The following ANKRD55 variants were observed in gnomAD, a reference collection of about 807,000 sequenced individuals.
ANKRD55 encodes ankyrin repeat domain 55.
ANKRD55 carries 41 observed loss-of-function variants against 60.6 expected under a neutral mutation model. The ratio of observed to expected loss-of-function variants is 0.68; its 90% confidence interval spans 0.53 to 0.88. The LOEUF (loss-of-function observed/expected upper bound fraction) is 0.88, where lower values mean the gene tolerates loss of function less well. Ranked by LOEUF, ANKRD55 falls within the 40% of genes least tolerant of loss-of-function variation. ANKRD55 has a pLI of 0.00. For missense variants in ANKRD55, 732 were observed against 767.6 expected, an observed-to-expected ratio of 0.95 and a Z score of 0.55; for synonymous variants, 264 against 290.3, an observed-to-expected ratio of 0.91 and a Z score of 0.92.
intron 2 of ANKRD55, among the ~76,000 whole-genome samples, chr5:56,218,798 A>G (rs1759885122): frequency 6.6e-6 from 1 of 152,094 alleles, no homozygotes; most frequent in African/African-American, 2.4e-5. Context: ...AGGGAGAGAG[A>G]CACACACACA....
At chr5:56,201,828 A>G (rs1759387919) in intron 2 of ANKRD55, among the ~76,000 whole-genome samples, 1 of 152,224 alleles carries the variant, frequency 6.6e-6, no homozygotes, top group Non-Finnish European at 1.5e-5. Context: ...ATTCTATTAT[A>G]AAGATACTTG....
chr5:56,210,269 C>T (rs960875901), intron 2 of ANKRD55, among the ~76,000 whole-genome samples: 2 of 152,086 alleles, frequency 1.3e-5, no homozygotes, highest in Admixed American at 1.3e-4. Context: ...TGTCTCTACC[C>T]AATTTATTTG....
chr5:56,105,841 A>G (rs1173550697), intron 10 of ANKRD55, among the ~76,000 whole-genome samples: 1 of 152,248 alleles, frequency 6.6e-6, no homozygotes, highest in Non-Finnish European at 1.5e-5. Context: ...AAAATTCTAG[A>G]GAAGGAAGCT....
In ANKRD55 at chr5:56,112,504, C is replaced by CAAAAAAAAAAAAAAAA. The variant is rs1187255213; in HGVS notation, c.966-738_966-723dup. Among the ~76,000 whole-genome samples the CAAAAAAAAAAAAAAAA allele has an allele frequency of 1.2e-3, 32 of 25,642 alleles. 3 individuals carry two copies. Among genetic ancestry groups the CAAAAAAAAAAAAAAAA allele is most frequent in the Non-Finnish European group, 1.5e-3 (21 of 14,038 alleles). The allele number at this position is 25,642 out of a possible 152,430, so 16.8% of individuals were successfully genotyped here. On this transcript the variant is annotated intron_variant, in intron 9 of 11. Transcript: ENST00000341048. ...CAACATGGCAGGATCTCATCTCTAGCAAAAAAAAAAAAAAAAAACAACCAA... is the reference window on the plus strand; with the variant it reads ...CAACATGGCAGGATCTCATCTCTAGCAAAAAAAAAAAAAAAAAAAAAAAAAAAAAAAAAACAACCAA...
intron 5 of ANKRD55, among the ~76,000 whole-genome samples, chr5:56,166,148 T>A (rs1758463760): frequency 9.6e-6 from 1 of 103,840 alleles, no homozygotes; most frequent in Admixed American, 9.7e-5. Context: ...CTTTCTTTCT[T>A]TCTTTCTTCT....
chr5:56,162,137 G>T, intron 5 of ANKRD55: 1 of 571,080 alleles, frequency 1.8e-6, no homozygotes, highest in Non-Finnish European at 2.2e-6. Flanking sequence ...GGTTATCCTT[G>T]GTTACTCCTG....
At chr5:56,210,509 C>T (rs1050718228) in intron 2 of ANKRD55, among the ~76,000 whole-genome samples, 22 of 144,784 alleles carry the variant, frequency 1.5e-4, no homozygotes, top group Admixed American at 1.4e-3. Flanking sequence ...TTGCAGTGAG[C>T]CGAGATCGCG....
chr5:56,166,614 G>A (rs73128435), intron 5 of ANKRD55, among the ~76,000 whole-genome samples: 6,235 of 151,874 alleles, frequency 0.041, 354 homozygotes, highest in East Asian at 0.21. Flanking sequence ...ATAAGATAAC[G>A]AGTGAAGAAA....
intron 11 of ANKRD55, among the ~76,000 whole-genome samples, chr5:56,102,005 A>G (rs161205): frequency 2.8e-4 from 42 of 151,334 alleles, no homozygotes; most frequent in African/African-American, 1.0e-3. Context: ...TTATTTTTTT[A>G]AAAAAAATAA....
At chr5:56,195,682 G>A (rs2111849859) in intron 2 of ANKRD55, among the ~76,000 whole-genome samples, 1 of 152,296 alleles carries the variant, frequency 6.6e-6, no homozygotes, top group East Asian at 1.9e-4. Context: ...GACCTCAGGT[G>A]ATCTACCCAT....
intron 2 of ANKRD55, among the ~76,000 whole-genome samples, chr5:56,215,548 A>T (rs530501993): frequency 2.3e-4 from 35 of 152,328 alleles, no homozygotes; most frequent in African/African-American, 7.9e-4. Context: ...GACTCTAGCC[A>T]CCATCACCTT....
At chr5:56,148,654 A>ATT (rs11377254) in intron 6 of ANKRD55, among the ~76,000 whole-genome samples, 79 of 147,726 alleles carry the variant, frequency 5.3e-4, no homozygotes, top group Admixed American at 1.1e-3. Flanking sequence ...TTCTCAGAAC[A>ATT]TTTTTTTTTT....
intron 5 of ANKRD55, chr5:56,161,058 G>C (rs1758317541): frequency 6.6e-6 from 1 of 152,206 alleles, no homozygotes; most frequent in African/African-American, 2.4e-5. Context: ...ACAACATATA[G>C]AGCATGCCTG....
At chr5:56,116,400 A>C in intron 9 of ANKRD55, among the ~76,000 whole-genome samples, 1 of 152,364 alleles carries the variant, frequency 6.6e-6, no homozygotes, top group Non-Finnish European at 1.5e-5. Flanking sequence ...ATTCACTACT[A>C]TCATTTTGCT....
chr5:56,226,845 C>T (rs1014422674), intron 2 of ANKRD55, among the ~76,000 whole-genome samples: 1 of 152,180 alleles, frequency 6.6e-6, no homozygotes, highest in African/African-American at 2.4e-5. Flanking sequence ...ACAACAGGTG[C>T]TGGAGAGGAT....
chr5:56,171,084 C>T (rs1214551770), intron 4 of ANKRD55, among the ~76,000 whole-genome samples: 2 of 152,144 alleles, frequency 1.3e-5, no homozygotes, highest in Admixed American at 1.3e-4. Flanking sequence ...GGGCCACTCA[C>T]TGGTATTACA....
At chr5:56,181,504 T>C (rs1472698411) in intron 3 of ANKRD55, among the ~76,000 whole-genome samples, 2 of 152,228 alleles carry the variant, frequency 1.3e-5, no homozygotes, top group Non-Finnish European at 2.9e-5. Context: ...GTTAATTCGG[T>C]GGATTACATT....
At chr5:56,224,949 C>T (rs2111894944) in intron 2 of ANKRD55, among the ~76,000 whole-genome samples, 1 of 152,204 alleles carries the variant, frequency 6.6e-6, no homozygotes, top group African/African-American at 2.4e-5. Flanking sequence ...TTTCAATCAA[C>T]AGAAAAAGAG....
chr5:56,184,579 C>A (rs16885007), intron 2 of ANKRD55, among the ~76,000 whole-genome samples: 20,569 of 152,124 alleles, frequency 0.14, 2,568 homozygotes, highest in African/African-American at 0.32. Flanking sequence ...CTTGTGCATG[C>A]CTGAACCAAC....
Sources: allele counts gnomAD v4.1 joint callset (sites outside exome capture counted in the v4.1 genomes callset), GRCh38; gene constraint gnomAD v4.1.1; transcripts MANE v1.5; gene names NCBI Gene and HGNC (gene_info 2026-07-23, HGNC 2026-07-21).